ARHGAP6: variants seen among roughly 807,000 people sequenced by gnomAD.
The protein encoded by ARHGAP6 is Rho GTPase activating protein 6.
Under a neutral mutation model 55.7 loss-of-function variants are expected in ARHGAP6, and 16 were observed. The observed-to-expected ratio is 0.29, with a 90% CI of 0.19 to 0.44. The LOEUF (loss-of-function observed/expected upper bound fraction) is 0.44, where lower values mean the gene tolerates loss of function less well. ARHGAP6 is among the 20% of genes least tolerant of loss of function. The pLI, the probability that ARHGAP6 is intolerant of heterozygous loss-of-function variation, is 1.00. For missense variants in ARHGAP6, 698 were observed against 808.9 expected (o/e 0.86, Z 1.66); for synonymous variants, 382 against 360.9 (o/e 1.06, Z -0.66).
chrX:11,249,615 G>C (rs776801058), intron 2 of ARHGAP6, among the ~76,000 whole-genome samples: 1 of 111,408 alleles, frequency 9.0e-6, no homozygotes, highest in Admixed American at 9.5e-5. Context: ...TTTCTTTAAT[G>C]AATGTGAGGG....
intron 1 of ARHGAP6, among the ~76,000 whole-genome samples, chrX:11,297,682 A>G (rs952610500): frequency 8.9e-6 from 1 of 112,017 alleles, no homozygotes; most frequent in Non-Finnish European, 1.9e-5. Flanking sequence ...GCTGAAGACA[A>G]ATGTTAGTAA....
At chrX:11,243,080 T>C (rs773633119) in intron 2 of ARHGAP6, among the ~76,000 whole-genome samples, 1 of 111,090 alleles carries the variant, frequency 9.0e-6, no homozygotes, top group African/African-American at 3.3e-5. Context: ...ATATTTATTG[T>C]GCTGTAGGTA....
At chrX:11,383,228 C>T (rs1403537178) in intron 1 of ARHGAP6, among the ~76,000 whole-genome samples, 3 of 111,282 alleles carry the variant, frequency 2.7e-5, no homozygotes, top group Non-Finnish European at 5.7e-5. Flanking sequence ...AAACAGCATG[C>T]TTCATGGTTC....
intron 1 of ARHGAP6, among the ~76,000 whole-genome samples, chrX:11,299,393 G>C (rs775878491): frequency 5.4e-5 from 6 of 111,917 alleles, no homozygotes; most frequent in Non-Finnish European, 9.4e-5. Flanking sequence ...ATAATTTTGA[G>C]AGTGCAAATA....
intron 1 of ARHGAP6, among the ~76,000 whole-genome samples, chrX:11,580,451 G>A (rs944979644): frequency 5.4e-5 from 6 of 111,630 alleles, no homozygotes; most frequent in Admixed American, 9.5e-5. Context: ...GCCTCCCAAC[G>A]AAGCATGACC....
At chrX:11,537,428 A>G (rs1011652358) in intron 1 of ARHGAP6, among the ~76,000 whole-genome samples, 4 of 112,294 alleles carry the variant, frequency 3.6e-5, no homozygotes, top group African/African-American at 1.3e-4. Flanking sequence ...CAGAGATTAC[A>G]CAACTCCAAA....
chrX:11,345,588 G>A (rs1002275608), intron 1 of ARHGAP6, among the ~76,000 whole-genome samples: 9 of 111,928 alleles, frequency 8.0e-5, no homozygotes, highest in South Asian at 3.8e-4. Context: ...AAAAAAGCAC[G>A]TTTTTCTTGG....
At chrX:11,404,851 T>C (rs1291796777) in intron 1 of ARHGAP6, among the ~76,000 whole-genome samples, 1 of 112,228 alleles carries the variant, frequency 8.9e-6, no homozygotes, top group Non-Finnish European at 1.9e-5. Flanking sequence ...AACTATCTTA[T>C]TGTAAGAGCT....
intron 2 of ARHGAP6, among the ~76,000 whole-genome samples, chrX:11,237,038 G>C (rs921851751): frequency 8.9e-6 from 1 of 112,767 alleles, no homozygotes; most frequent in South Asian, 3.6e-4. Flanking sequence ...GGCAAGAAGC[G>C]CTAAGGCTCA....
rs1335280165 is a variant in ARHGAP6 at position 11,665,218 on chromosome X, C to T, written c.-390G>A. On this transcript the variant is annotated 5_prime_UTR_variant, in exon 1 of 13. Coordinates refer to ENST00000337414, the MANE Select transcript of ARHGAP6 (RefSeq NM_013427.3). Reference sequence around the variant, plus strand: ...AGGCGGGAGACGCAGCGCTCCTGCTCGCTGGCTCTGGATGGCCTCTAAGAC... The same window carrying T: ...AGGCGGGAGACGCAGCGCTCCTGCTTGCTGGCTCTGGATGGCCTCTAAGAC... The T allele has an allele frequency of 7.0e-6, 1 of 142,374 alleles. No homozygotes were observed. Among genetic ancestry groups the T allele is most frequent in the East Asian group, 1.9e-4 (1 of 5,155 alleles). The allele number at this position is 142,374 out of a possible 1,213,427, so 11.7% of individuals were successfully genotyped here. A position where few individuals can be genotyped will look rare whatever the true frequency, so the allele number is the denominator to read the frequency against.
At chrX:11,450,455 ACTGAGCAC>A (rs1245051356) in intron 1 of ARHGAP6, among the ~76,000 whole-genome samples, 1 of 111,924 alleles carries the variant, frequency 8.9e-6, no homozygotes, top group African/African-American at 3.2e-5. Flanking sequence ...TTTTTCTGGA[ACTGAGCAC>A]CTGAGCCTGC....
intron 1 of ARHGAP6, among the ~76,000 whole-genome samples, chrX:11,451,259 T>G (rs1379679630): frequency 8.9e-6 from 1 of 111,900 alleles, no homozygotes; most frequent in Non-Finnish European, 1.9e-5. Context: ...CTCTCCTTTA[T>G]TTTTCATAAT....
intron 1 of ARHGAP6, among the ~76,000 whole-genome samples, chrX:11,487,821 A>G (rs1266299839): frequency 1.8e-5 from 2 of 111,751 alleles, no homozygotes; most frequent in Non-Finnish European, 3.8e-5. Context: ...TTTCCCTGTA[A>G]TGGAATGCCA....
intron 1 of ARHGAP6, among the ~76,000 whole-genome samples, chrX:11,405,179 A>C (rs1015267515): frequency 2.7e-5 from 3 of 111,743 alleles, no homozygotes; most frequent in Non-Finnish European, 3.8e-5. Context: ...AGGAAGGGCA[A>C]ACTGCTGTCC....
intron 1 of ARHGAP6, among the ~76,000 whole-genome samples, chrX:11,653,632 G>A (rs971723196): frequency 8.9e-6 from 1 of 112,149 alleles, no homozygotes; most frequent in East Asian, 2.8e-4. Flanking sequence ...GCACTTTCCA[G>A]GTAATTATGA....
chrX:11,174,663 C>CTTTCTT (rs2046178790), intron 8 of ARHGAP6, among the ~76,000 whole-genome samples: 1 of 79,194 alleles, frequency 1.3e-5, no homozygotes, highest in Non-Finnish European at 2.5e-5. Flanking sequence ...TTCTTTCTTT[C>CTTTCTT]TTTCTTTCTT....
chrX:11,467,334 C>T (rs1468355733), intron 1 of ARHGAP6, among the ~76,000 whole-genome samples: 2 of 110,488 alleles, frequency 1.8e-5, no homozygotes, highest in South Asian at 3.9e-4. Context: ...GCTCACTGCA[C>T]TCCAGCCTGG....
At chrX:11,659,687 C>CGA (rs1386923161) in intron 1 of ARHGAP6, among the ~76,000 whole-genome samples, 2 of 111,091 alleles carry the variant, frequency 1.8e-5, no homozygotes, top group African/African-American at 3.3e-5. Flanking sequence ...CCGAAAAGAG[C>CGA]GAGAGAGAGA....
chrX:11,296,645 A>AT (rs2048089944), intron 1 of ARHGAP6: 5 of 751,548 alleles, frequency 6.7e-6, no homozygotes, highest in Middle Eastern at 4.5e-4. Context: ...CACTATATAG[A>AT]TTTTTTTAAA....
Sources: gnomAD v4.1 joint callset for allele counts (sites outside exome capture counted in the v4.1 genomes callset) on GRCh38, gnomAD v4.1.1 for gene constraint, MANE v1.5 for transcripts, NCBI Gene and HGNC (gene_info 2026-07-23, HGNC 2026-07-21) for gene names.